LRMDA: variants seen among roughly 807,000 people sequenced by gnomAD.
LRMDA encodes the protein leucine-rich melanocyte differentiation-associated protein.
Under a neutral mutation model 29.8 loss-of-function variants are expected in LRMDA, and 18 were observed. The ratio of observed to expected loss-of-function variants is 0.60; its 90% confidence interval spans 0.42 to 0.90. The LOEUF is 0.90. LRMDA is among the 40% of genes least tolerant of loss of function. LRMDA has a pLI of 0.00. For synonymous variants in LRMDA, 125 were observed against 109.4 expected, an observed-to-expected ratio of 1.14 and a Z score of -0.89; for missense variants, 273 against 273.9, an observed-to-expected ratio of 1.00 and a Z score of 0.02.
intron 2 of LRMDA, among the ~76,000 whole-genome samples, chr10:75,966,947 C>A (rs758381605): frequency 6.6e-6 from 1 of 152,244 alleles, no homozygotes; most frequent in South Asian, 2.1e-4. Flanking sequence ...TTAGCATTTG[C>A]ACCCCATAGG....
chr10:76,163,502 T>C (rs1191570015), intron 5 of LRMDA, among the ~76,000 whole-genome samples: 1 of 152,190 alleles, frequency 6.6e-6, no homozygotes, highest in Non-Finnish European at 1.5e-5. Context: ...AAGTAAACTT[T>C]TTTTTTCAAC....
intron 6 of LRMDA, among the ~76,000 whole-genome samples, chr10:76,354,922 G>T (rs546609066): frequency 6.6e-6 from 1 of 152,190 alleles, no homozygotes; most frequent in African/African-American, 2.4e-5. Flanking sequence ...CTAACTAAAT[G>T]TTTGTGCCCG....
intron 2 of LRMDA, among the ~76,000 whole-genome samples, chr10:75,910,488 T>A (rs1465492691): frequency 1.3e-5 from 2 of 152,104 alleles, no homozygotes; most frequent in African/African-American, 4.8e-5. Flanking sequence ...TTTTGGAGGG[T>A]TTAAATGCTG....
At chr10:76,366,527 T>G (rs1841393529) in intron 6 of LRMDA, among the ~76,000 whole-genome samples, 1 of 152,104 alleles carries the variant, frequency 6.6e-6, no homozygotes, top group Non-Finnish European at 1.5e-5. Flanking sequence ...GTAAAAGAGG[T>G]TGAGTTCTTG....
At chr10:75,947,285 G>A (rs1846492332) in intron 2 of LRMDA, among the ~76,000 whole-genome samples, 1 of 152,176 alleles carries the variant, frequency 6.6e-6, no homozygotes, top group African/African-American at 2.4e-5. Flanking sequence ...CTTTGGGTGA[G>A]TGTTGATTTG....
chr10:76,180,560 T>A (rs947113302), intron 5 of LRMDA, among the ~76,000 whole-genome samples: 3 of 152,044 alleles, frequency 2.0e-5, no homozygotes, highest in Non-Finnish European at 4.4e-5. Flanking sequence ...ATTACAGACA[T>A]GAGCCACTGC....
chr10:76,035,736 G>A (rs1484719522), intron 2 of LRMDA, among the ~76,000 whole-genome samples: 2 of 152,144 alleles, frequency 1.3e-5, no homozygotes, highest in African/African-American at 4.8e-5. Context: ...CGTATCTGAA[G>A]CCCTTTGTTT....
Position 75,866,090 on chromosome 10 carries a change from A to AT in LRMDA, c.132-169912dup, listed in dbSNP as rs771083883. Among the ~76,000 whole-genome samples, 4 of 152,156 alleles carry AT rather than the reference A, an allele frequency of 2.6e-5. No individual in the cohort carries two copies. The East Asian group carries it at 7.7e-4, about 29-fold the overall frequency. On this transcript the variant is annotated intron_variant, in intron 2 of 6. Transcript: ENST00000611255. The stretch of plus-strand genomic sequence containing the variant: ...GATTTTATTTCTTCTCTTCTATTCA[A>AT]TTTTTTCCCCTCCTCATCGTGCTGG...
intron 6 of LRMDA, among the ~76,000 whole-genome samples, chr10:76,384,537 A>G (rs1022835689): frequency 2.6e-5 from 4 of 152,230 alleles, no homozygotes; most frequent in African/African-American, 9.6e-5. Context: ...CTCTTTCTTC[A>G]TTACCCCACA....
intron 6 of LRMDA, among the ~76,000 whole-genome samples, chr10:76,515,030 G>T (rs977106078): frequency 6.6e-6 from 1 of 152,120 alleles, no homozygotes; most frequent in Admixed American, 6.5e-5. Flanking sequence ...GAGTGTAAAG[G>T]GCAGTTGTAT....
intron 2 of LRMDA, among the ~76,000 whole-genome samples, chr10:75,645,677 T>C (rs1841510748): frequency 6.6e-6 from 1 of 152,086 alleles, no homozygotes; most frequent in African/African-American, 2.4e-5. Flanking sequence ...GGGAAAGACC[T>C]ACATGGAACT....
chr10:75,919,785 G>T (rs1845997472), intron 2 of LRMDA, among the ~76,000 whole-genome samples: 1 of 152,124 alleles, frequency 6.6e-6, no homozygotes, highest in South Asian at 2.1e-4. Context: ...TTTCTCCCTG[G>T]GATGTGCCAC....
rs564313646 is a variant in LRMDA, at chr10:76,495,898, A to T, written c.602-61311A>T. On this transcript the variant is annotated intron_variant, in intron 6 of 6. Coordinates refer to ENST00000611255, the MANE Select transcript of LRMDA (RefSeq NM_001305581.2). ...ATTGAACTTGCTTATTAATTTCAGG[A>T]GTTCTTTTATAGACTCCTTGAAGTG... Among the ~76,000 whole-genome samples, 3 of 23,046 alleles carry T rather than the reference A, an allele frequency of 1.3e-4. 1 individual carries two copies. Among genetic ancestry groups the T allele is most frequent in the Non-Finnish European group, 5.9e-4 (2 of 3,376 alleles). 15.1% of individuals were successfully genotyped at this position (23,046 alleles called of 152,430 possible).
At chr10:75,756,243 C>T (rs750671632) in intron 2 of LRMDA, among the ~76,000 whole-genome samples, 40 of 152,302 alleles carry the variant, frequency 2.6e-4, no homozygotes, top group Middle Eastern at 3.4e-3. Context: ...GGTGTAGCCA[C>T]GCAGCTAAGT....
intron 6 of LRMDA, among the ~76,000 whole-genome samples, chr10:76,354,560 A>G (rs1554815321): frequency 1.3e-5 from 2 of 152,202 alleles, no homozygotes; most frequent in Non-Finnish European, 1.5e-5. Context: ...GACAGTAGCC[A>G]GCTGCTTCCT....
At position 76,168,535 on chromosome 10, in the gene LRMDA, T is replaced by C. The variant is rs112855763; in HGVS notation, c.516+109752T>C. On this transcript the variant is annotated intron_variant, in intron 5 of 6. Coordinates refer to ENST00000611255, the MANE Select transcript of LRMDA (RefSeq NM_001305581.2). ...TTCTGGAACTTGGCGAACTTGGTGA[T>C]GATCTGAATCATCAATTTCAGTTTG... Among the ~76,000 whole-genome samples the C allele has an allele frequency of 7.1e-3, 1,087 of 152,330 alleles. 13 individuals carry two copies. Among genetic ancestry groups the C allele is most frequent in the African/African-American group, 0.024 (1,009 of 41,578 alleles).
chr10:76,160,798 C>A (rs1850633149), intron 5 of LRMDA, among the ~76,000 whole-genome samples: 1 of 152,112 alleles, frequency 6.6e-6, no homozygotes, highest in Non-Finnish European at 1.5e-5. Context: ...GTTTTGCTTA[C>A]AATTATTTTC....
chr10:76,402,167 G>T (rs551286213), intron 6 of LRMDA: 1 of 152,128 alleles, frequency 6.6e-6, no homozygotes, highest in Non-Finnish European at 1.5e-5. Flanking sequence ...AGGTTAGGCC[G>T]TTCCAGGAAT....
intron 2 of LRMDA, among the ~76,000 whole-genome samples, chr10:75,585,797 GA>G (rs1840648629): frequency 6.6e-6 from 1 of 152,148 alleles, no homozygotes; most frequent in South Asian, 2.1e-4. Flanking sequence ...CTTCTTAACT[GA>G]AACTTTATGC....
Sources: gnomAD v4.1 joint callset for allele counts (sites outside exome capture counted in the v4.1 genomes callset) on GRCh38, gnomAD v4.1.1 for gene constraint, MANE v1.5 for transcripts, NCBI Gene and HGNC (gene_info 2026-07-23, HGNC 2026-07-21) for gene names.